The following LATS2 variants were observed in gnomAD, a reference collection of about 807,000 sequenced individuals.
The protein encoded by LATS2 is serine/threonine-protein kinase LATS2.
A neutral mutation model predicts 76.0 loss-of-function variants in LATS2; 24 were observed. That is an observed-to-expected ratio of 0.32 (90% confidence interval 0.23 to 0.44). The LOEUF (loss-of-function observed/expected upper bound fraction) is 0.44, where lower values mean the gene tolerates loss of function less well. Ranked by LOEUF, LATS2 falls within the 20% of genes least tolerant of loss-of-function variation. LATS2 has a pLI of 1.00. For missense variants in LATS2, 1,286 were observed against 1,481.2 expected, an observed-to-expected ratio of 0.87 and a Z score of 2.16; for synonymous variants, 692 against 635.4, an observed-to-expected ratio of 1.09 and a Z score of -1.34.
intron 1 of LATS2, among the ~76,000 whole-genome samples, chr13:21,056,987 C>T (rs1033816473): frequency 4.6e-5 from 7 of 152,060 alleles, no homozygotes; most frequent in Admixed American, 1.3e-4. Flanking sequence ...AGGTGTCGTC[C>T]GGGTACATTT....
chr13:21,019,709 C>T (rs1323371443), intron 2 of LATS2, among the ~76,000 whole-genome samples: 1 of 144,136 alleles, frequency 6.9e-6, no homozygotes, highest in African/African-American at 2.5e-5. Flanking sequence ...CGTGGTGGCT[C>T]ATGCCTGTAA....
chr13:21,027,463 AC>A (rs1872350677), intron 2 of LATS2, among the ~76,000 whole-genome samples: 2 of 152,242 alleles, frequency 1.3e-5, no homozygotes, highest in African/African-American at 4.8e-5. Context: ...GAAAAAACAA[AC>A]AAAAACCCTC....
chr13:21,043,328 C>T (rs1872952037), intron 2 of LATS2, among the ~76,000 whole-genome samples: 1 of 151,034 alleles, frequency 6.6e-6, no homozygotes, highest in South Asian at 2.1e-4. Flanking sequence ...CAGAGCAAGA[C>T]ACCGTCTAAA....
chr13:20,975,440 G>C (rs1191542151), intron 7 of LATS2, 76 bp from the exon 8 acceptor site: 1 of 1,424,394 alleles, frequency 7.0e-7, no homozygotes, highest in Non-Finnish European at 9.4e-7. Context: ...GTGATGACGT[G>C]ACTTTCAAAT....
At chr13:21,014,226 C>T (rs890974270) in intron 2 of LATS2, among the ~76,000 whole-genome samples, 1 of 152,198 alleles carries the variant, frequency 6.6e-6, no homozygotes, top group African/African-American at 2.4e-5. Flanking sequence ...AGATGGATGA[C>T]AGGGCTCTCC....
intron 2 of LATS2, among the ~76,000 whole-genome samples, chr13:21,010,652 T>G (rs1480865959): frequency 6.6e-6 from 1 of 152,244 alleles, no homozygotes; most frequent in Non-Finnish European, 1.5e-5. Flanking sequence ...AGATGAATCC[T>G]GAGCAGCCAA....
chr13:21,050,017 G>T (rs778020436), intron 1 of LATS2, among the ~76,000 whole-genome samples: 1 of 152,026 alleles, frequency 6.6e-6, no homozygotes, highest in Non-Finnish European at 1.5e-5. Flanking sequence ...CTACTCGGAA[G>T]GCTGAGGCAG....
chr13:20,990,188 C>A (rs1447745969), intron 3 of LATS2, among the ~76,000 whole-genome samples: 1 of 152,176 alleles, frequency 6.6e-6, no homozygotes, highest in Admixed American at 6.5e-5. Flanking sequence ...AAGAGACACA[C>A]CAAAGGCAAG....
intron 2 of LATS2, among the ~76,000 whole-genome samples, chr13:20,997,355 G>C (rs1475084913): frequency 6.6e-6 from 1 of 152,182 alleles, no homozygotes; most frequent in Non-Finnish European, 1.5e-5. Context: ...ACGAAGCCTG[G>C]AAAATGTGAG....
chr13:20,981,395 G>A (rs1254944285), intron 6 of LATS2, 71 bp downstream of exon 6: 10 of 1,403,382 alleles, frequency 7.1e-6, no homozygotes, highest in Non-Finnish European at 3.9e-6. Flanking sequence ...GAAAGCTAGA[G>A]CCAGCGAGAC....
chr13:21,022,301 T>C (rs554986663), intron 2 of LATS2, among the ~76,000 whole-genome samples: 29 of 152,210 alleles, frequency 1.9e-4, no homozygotes, highest in Non-Finnish European at 3.5e-4. Context: ...TGTGTGAGTG[T>C]GCATGTGTGT....
At chr13:21,049,993 C>A (rs534822868) in intron 1 of LATS2, among the ~76,000 whole-genome samples, 1 of 152,038 alleles carries the variant, frequency 6.6e-6, no homozygotes, top group South Asian at 2.1e-4. Context: ...TGACAGCACA[C>A]CCCTGTAGTC....
chr13:20,973,716 G>T lies in LATS2; in HGVS notation c.*1154C>A. 8.7e-6 allele frequency: 2 copies of T among 230,352 alleles called. No homozygotes were observed. Among genetic ancestry groups the T allele is most frequent in the Non-Finnish European group, 1.7e-5 (2 of 116,090 alleles). The allele number at this position is 230,352 out of a possible 1,614,324, so 14.3% of individuals were successfully genotyped here. A position where few individuals can be genotyped will look rare whatever the true frequency, so the allele number is the denominator to read the frequency against. ...CAAAAAAAAAGTGAGAGAACCATTA[G>T]ATCACTCAGTTTCCTGACAGTAACA... On this transcript the variant is annotated 3_prime_UTR_variant, in exon 8 of 8. Coordinates refer to ENST00000382592, the MANE Select transcript of LATS2 (RefSeq NM_014572.3).
intron 2 of LATS2, among the ~76,000 whole-genome samples, chr13:21,036,194 CTTAAT>C (rs1872679422): frequency 6.6e-6 from 1 of 151,930 alleles, no homozygotes; most frequent in African/African-American, 2.4e-5. Context: ...CCGCACCTGG[CTTAAT>C]TTTTGTATTT....
At position 20,989,201 on chromosome 13, in the gene LATS2, G is replaced by A. The variant is rs764619872; in HGVS notation, c.579C>T (p.Gly193=). 1.2e-6 allele frequency: 2 copies of A among 1,613,592 alleles called. No homozygotes were observed. The highest frequency in any genetic ancestry group is 2.7e-5 in the African/African-American group (2 of 74,952). Residue 193 remains glycine, a synonymous_variant, in exon 4 of 8, where the codon GGC becomes GGT. Coordinates refer to ENST00000382592, the MANE Select transcript of LATS2 (RefSeq NM_014572.3). ...YHQLSGTPYE[G]PSFGADGPTA... is the part of the protein sequence containing the mutation. ...TGGGGCCGTCAGCGCCGAAGCTTGG[G>A]CCCTCGTAGGGGGTACCGCTCAGCT...
At chr13:21,007,699 A>ATATATATATAGTGTGT (rs1173839566) in intron 2 of LATS2, among the ~76,000 whole-genome samples, 1 of 586 alleles carries the variant, frequency 1.7e-3, no homozygotes, top group Non-Finnish European at 4.5e-3. Flanking sequence ...ATATATATAT[A>ATATATATATAGTGTGT]GTATGTATAT....
At chr13:20,997,869 T>C (rs1235332511) in intron 2 of LATS2, among the ~76,000 whole-genome samples, 1 of 152,222 alleles carries the variant, frequency 6.6e-6, no homozygotes, top group Non-Finnish European at 1.5e-5. Context: ...TTATTATGTA[T>C]GAGGGAAGGA....
intron 7 of LATS2, 92 bp from the exon 8 acceptor site, chr13:20,975,456 TAGTTTCACAATAGGAGAGG>T: frequency 7.6e-7 from 1 of 1,321,644 alleles, no homozygotes; most frequent in Non-Finnish European, 1.0e-6. Flanking sequence ...CAAATATGTT[TAGTTTCACAATAGGAGAGG>T]AGTTAGAATA....
chr13:21,046,178 C>A lies in LATS2; in HGVS notation c.-152G>T. 1 of 603,050 alleles carries A rather than the reference C, an allele frequency of 1.7e-6. No individual in the cohort carries two copies. 37.4% of individuals were successfully genotyped at this position (603,050 alleles called of 1,614,324 possible). On this transcript the variant is annotated 5_prime_UTR_variant, in exon 2 of 8. Transcript: ENST00000382592. The stretch of plus-strand genomic sequence containing the variant: ...GTTCTTTCCTTCCATTTTTGTAGTT[C>A]CTATAGAGAACCTAAAATTTTCCAA...
Sources: allele counts gnomAD v4.1 joint callset (sites outside exome capture counted in the v4.1 genomes callset), GRCh38; gene constraint gnomAD v4.1.1; transcripts MANE v1.5; gene names NCBI Gene and HGNC (gene_info 2026-07-23, HGNC 2026-07-21).